The following HIVEP1 variants were observed in gnomAD, a reference collection of about 807,000 sequenced individuals.
The protein encoded by HIVEP1 is HIVEP zinc finger 1.
Under a neutral mutation model 180.0 loss-of-function variants are expected in HIVEP1, and 36 were observed. The ratio of observed to expected loss-of-function variants is 0.20; its 90% CI spans 0.15 to 0.26. The LOEUF (loss-of-function observed/expected upper bound fraction) is 0.26, where lower values mean the gene tolerates loss of function less well. Among genes scored for constraint, HIVEP1 ranks in the 10% least tolerant of loss-of-function variants. The pLI, the probability that HIVEP1 is intolerant of heterozygous loss-of-function variation, is 1.00. For missense variants in HIVEP1, 3,143 were observed against 3,268.7 expected (o/e 0.96, Z 0.94); for synonymous variants, 1,239 against 1,239.0 (o/e 1.00, Z 0.00).
intron 3 of HIVEP1, among the ~76,000 whole-genome samples, chr6:12,101,731 G>A (rs1011416345): frequency 1.3e-5 from 2 of 151,982 alleles, no homozygotes; most frequent in Non-Finnish European, 2.9e-5. Flanking sequence ...AAGTTAAATT[G>A]CAGGCACAAA....
At chr6:12,061,074 G>A (rs926498555) in intron 2 of HIVEP1, among the ~76,000 whole-genome samples, 1 of 152,074 alleles carries the variant, frequency 6.6e-6, no homozygotes, top group African/African-American at 2.4e-5. Context: ...GTGCCGCGGC[G>A]GCACAGATAA....
In HIVEP1 at chr6:12,123,472, T is replaced by G; in HGVS notation, c.3677T>G (p.Leu1226Arg). 1 of 1,614,098 alleles carries G rather than the reference T, an allele frequency of 6.2e-7. No homozygotes were observed. Among genetic ancestry groups the G allele is most frequent in the Non-Finnish European group, 8.5e-7 (1 of 1,180,012 alleles). The change falls in exon 4 of 9, where the codon CTT becomes CGT. Residue 1226 changes from leucine (L) to arginine (R), a missense_variant. This residue lies in a region of HIVEP1 where 1,357 missense variants were observed against 1,260.5 expected (regional missense o/e 1.08). Coordinates refer to ENST00000379388, the MANE Select transcript of HIVEP1 (RefSeq NM_002114.4). ...CATGTGTTAGGACAGCCCTCAAGAC[T>G]TGTCCGGCAGCACAACATCCAAGTT... ...ERHVLGQPSR[L>R]VRQHNIQVPE...
intron 2 of HIVEP1, among the ~76,000 whole-genome samples, chr6:12,080,550 C>A (rs976335882): frequency 6.6e-6 from 1 of 152,074 alleles, no homozygotes; most frequent in Non-Finnish European, 1.5e-5. Flanking sequence ...TGTCTGTGTA[C>A]ATTTTGTTAT....
At chr6:12,167,786 TATA>T (rs1028286399), downstream of HIVEP1, among the ~76,000 whole-genome samples, 1 of 144,282 alleles carries the variant, frequency 6.9e-6, no homozygotes, top group African/African-American at 2.6e-5. Flanking sequence ...GATGTGCGTA[TATA>T]ATATATACAC....
chr6:12,189,752 A>G, the HIVEP1 span, among the ~76,000 whole-genome samples: 1 of 152,168 alleles, frequency 6.6e-6, no homozygotes, highest in Admixed American at 6.5e-5. Context: ...TATTTCTGGG[A>G]ATTTATTCCA....
rs1768474850 is a variant in HIVEP1, at chr6:12,024,867, G to C, written c.40+9199G>C. Among the ~76,000 whole-genome samples, 4 of 152,186 alleles carry C rather than the reference G, an allele frequency of 2.6e-5. No homozygotes were observed. The South Asian group carries it at 8.3e-4, about 31-fold the overall frequency. On this transcript the variant is annotated intron_variant, in intron 2 of 8. Transcript: ENST00000379388. ...TGAGAGAATTACACATTTTACAGCA[G>C]GAAGGATGGACCTTGGAGGTCATTT...
intron 7 of HIVEP1, among the ~76,000 whole-genome samples, chr6:12,144,766 A>G (rs901989489): frequency 1.3e-5 from 2 of 152,254 alleles, no homozygotes; most frequent in Non-Finnish European, 2.9e-5. Flanking sequence ...AGACACATGA[A>G]AAAATGCTCA....
intron 2 of HIVEP1, among the ~76,000 whole-genome samples, chr6:12,021,051 C>T (rs1768167178): frequency 6.6e-6 from 1 of 152,200 alleles, no homozygotes; most frequent in Admixed American, 6.5e-5. Flanking sequence ...CCACCACGCA[C>T]AGCTAATTTT....
intron 2 of HIVEP1, among the ~76,000 whole-genome samples, chr6:12,064,135 T>C (rs779697243): frequency 1.3e-5 from 2 of 152,308 alleles, no homozygotes; most frequent in East Asian, 1.9e-4. Context: ...AAATAATTCA[T>C]TGGACACCAA....
At chr6:12,143,798 A>G (rs1759198876) in intron 7 of HIVEP1, among the ~76,000 whole-genome samples, 1 of 152,230 alleles carries the variant, frequency 6.6e-6, no homozygotes, top group Non-Finnish European at 1.5e-5. Context: ...TGCTAAAAAG[A>G]GAATAAAATA....
chr6:12,117,163 A>C (rs1003623573), intron 3 of HIVEP1, among the ~76,000 whole-genome samples: 1 of 152,180 alleles, frequency 6.6e-6, no homozygotes, highest in African/African-American at 2.4e-5. Context: ...GTATATGAAG[A>C]TATCATAGAA....
In HIVEP1 at chr6:12,099,511, C is replaced by T. The variant is rs565666707; in HGVS notation, c.94+10274C>T. Among the ~76,000 whole-genome samples the T allele has an allele frequency of 1.2e-4, 19 of 152,188 alleles. 1 individual carries two copies. In the East Asian group the frequency reaches 3.7e-3, roughly 29 times the overall value. ...AGGAGTGTGTTTATTTCAGCAGGCCCACCCCACATCATGTAGTTAGCCATT... is the reference window on the plus strand; with the variant it reads ...AGGAGTGTGTTTATTTCAGCAGGCCTACCCCACATCATGTAGTTAGCCATT... On this transcript the variant is annotated intron_variant, in intron 3 of 8. Transcript: ENST00000379388.
At chr6:12,173,953 G>A in the HIVEP1 span, among the ~76,000 whole-genome samples, 1 of 152,142 alleles carries the variant, frequency 6.6e-6, no homozygotes, top group Non-Finnish European at 1.5e-5. Flanking sequence ...TTGCCCAGTA[G>A]GGTCAAATGT....
chr6:12,015,452 T>C, intron 1 of HIVEP1, 74 bp from the exon 2 acceptor site: 1 of 580,190 alleles, frequency 1.7e-6, no homozygotes, highest in South Asian at 2.2e-5. Flanking sequence ...AGTGCTCTGC[T>C]AGGCAGTAAC....
chr6:12,074,575 TTAGGGGTCTCCA>T (rs1231150854), intron 2 of HIVEP1, among the ~76,000 whole-genome samples: 1 of 148,716 alleles, frequency 6.7e-6, no homozygotes. Flanking sequence ...TGACATGGAT[TTAGGGGTCTCCA>T]TAGATCGCTG....
At position 12,058,497 on chromosome 6, in the gene HIVEP1, TTTG is replaced by T. The variant is rs1175801085; in HGVS notation, c.41-30674_41-30672del. Among the ~76,000 whole-genome samples the T allele has an allele frequency of 2.6e-5, 4 of 152,284 alleles. No individual in the cohort carries two copies. The East Asian group carries it at 5.8e-4, about 22-fold the overall frequency. On this transcript the variant is annotated intron_variant, in intron 2 of 8. Coordinates refer to ENST00000379388, the MANE Select transcript of HIVEP1 (RefSeq NM_002114.4). ...CTGGAGAGCATTGATTCAAAATATGTTTGTTGTTGTTGTTGGAACAAATATTGC... is the reference window on the plus strand; with the variant it reads ...CTGGAGAGCATTGATTCAAAATATGTTTGTTGTTGTTGGAACAAATATTGC...
chr6:12,077,568 A>T (rs1327689985), intron 2 of HIVEP1, among the ~76,000 whole-genome samples: 1 of 152,210 alleles, frequency 6.6e-6, no homozygotes, highest in East Asian at 1.9e-4. Context: ...CAAGGGGAAG[A>T]TGGGGCTGGA....
intron 2 of HIVEP1, among the ~76,000 whole-genome samples, chr6:12,062,660 T>C (rs1032601257): frequency 1.3e-5 from 2 of 152,214 alleles, no homozygotes; most frequent in Non-Finnish European, 2.9e-5. Context: ...TTGTTTTTTC[T>C]GAATCTCATG....
intron 2 of HIVEP1, among the ~76,000 whole-genome samples, chr6:12,084,734 G>T (rs1425470459): frequency 1.3e-5 from 2 of 152,032 alleles, no homozygotes; most frequent in Non-Finnish European, 2.9e-5. Flanking sequence ...AGTTCATTAG[G>T]ATTTACTTCA....
Sources: allele counts gnomAD v4.1 joint callset (sites outside exome capture counted in the v4.1 genomes callset), GRCh38; gene constraint gnomAD v4.1.1; regional missense constraint gnomAD v4.1.1; transcripts MANE v1.5; gene names NCBI Gene and HGNC (gene_info 2026-07-23, HGNC 2026-07-21).